The following ZNF385D variants were observed in gnomAD, a reference collection of about 807,000 sequenced individuals.
The protein encoded by ZNF385D is zinc finger protein 385D, also known as zinc finger protein 659.
Under a neutral mutation model 35.8 loss-of-function variants are expected in ZNF385D, and 15 were observed. The ratio of observed to expected loss-of-function variants is 0.42; its 90% CI spans 0.28 to 0.64. ZNF385D has a LOEUF of 0.64. ZNF385D is among the 30% of genes least tolerant of loss of function. ZNF385D has a pLI of 0.23. For synonymous variants in ZNF385D, 212 were observed against 186.8 expected, an observed-to-expected ratio of 1.13 and a Z score of -1.10; for missense variants, 474 against 494.6, an observed-to-expected ratio of 0.96 and a Z score of 0.39.
At chr3:21,798,772 C>T (rs2072267272) in intron 3 of ZNF385D, among the ~76,000 whole-genome samples, 1 of 152,026 alleles carries the variant, frequency 6.6e-6, no homozygotes. Flanking sequence ...ATCTTGGGGG[C>T]TACTTTAGAA....
chr3:21,969,177 G>A (rs1703090281), intron 3 of ZNF385D, among the ~76,000 whole-genome samples: 2 of 152,066 alleles, frequency 1.3e-5, no homozygotes, highest in South Asian at 4.1e-4. Context: ...TGTGTGACTT[G>A]GGTGGCAGCT....
At chr3:21,629,508 T>G (rs1486879969) in intron 2 of ZNF385D, among the ~76,000 whole-genome samples, 1 of 152,186 alleles carries the variant, frequency 6.6e-6, no homozygotes, top group Non-Finnish European at 1.5e-5. Flanking sequence ...GAAAAATGAC[T>G]ACTTGCCCAA....
rs1477091241 is a variant in ZNF385D at position 22,050,875 on chromosome 3, A to AACCGTGTGTTAG, written c.325+117941_325+117942insCTAACACACGGT. 6.5e-3 allele frequency among the ~76,000 whole-genome samples: 167 copies of AACCGTGTGTTAG among 25,824 alleles called. 8 individuals carry two copies. The highest frequency in any genetic ancestry group is 0.024 in the Middle Eastern group (1 of 42). The allele number at this position is 25,824 out of a possible 152,430, so 16.9% of individuals were successfully genotyped here. A position where few individuals can be genotyped will look rare whatever the true frequency, so the allele number is the denominator to read the frequency against. ...ACCCTTAAAAATTCAATGTGTTATA[A>AACCGTGTGTTAG]TTTCTGTTCTTTTACATTTGCTGAG... On this transcript the variant is annotated intron_variant, in intron 3 of 5. Coordinates refer to the ZNF385D transcript ENST00000494108.
At chr3:21,906,730 T>C (rs1158230242) in intron 3 of ZNF385D, among the ~76,000 whole-genome samples, 1 of 152,118 alleles carries the variant, frequency 6.6e-6, no homozygotes, top group Non-Finnish European at 1.5e-5. Context: ...TTTTGGATGT[T>C]ATTGTTCTAA....
chr3:21,436,907 A>T, intron 5 of ZNF385D, 63 bp downstream of exon 5: 1 of 1,471,540 alleles, frequency 6.8e-7, no homozygotes, highest in Non-Finnish European at 9.3e-7. Flanking sequence ...CAAAAGATCT[A>T]ATCTATTCAG....
intron 3 of ZNF385D, among the ~76,000 whole-genome samples, chr3:21,868,246 A>C (rs188707825): frequency 1.5e-3 from 236 of 152,264 alleles, no homozygotes; most frequent in African/African-American, 5.5e-3. Context: ...TAGACAATCC[A>C]TATACAAATG....
chr3:22,162,980 A>G (rs1706067487), intron 3 of ZNF385D, among the ~76,000 whole-genome samples: 1 of 152,172 alleles, frequency 6.6e-6, no homozygotes, highest in Non-Finnish European at 1.5e-5. Context: ...GACATAGTAG[A>G]GAGTGAGGTT....
At chr3:21,649,231 C>T (rs562491961) in intron 2 of ZNF385D, among the ~76,000 whole-genome samples, 26 of 152,160 alleles carry the variant, frequency 1.7e-4, no homozygotes, top group Middle Eastern at 3.4e-3. Context: ...TTATTTATAA[C>T]TTAAAAGTAT....
chr3:22,073,637 T>A (rs1700330033), intron 3 of ZNF385D, among the ~76,000 whole-genome samples: 1 of 151,894 alleles, frequency 6.6e-6, no homozygotes. Context: ...TTATTTTTAT[T>A]TATATTTGTC....
At chr3:22,192,525 C>G (rs956312095) in intron 2 of ZNF385D, among the ~76,000 whole-genome samples, 13 of 152,144 alleles carry the variant, frequency 8.5e-5, no homozygotes, top group Admixed American at 3.9e-4. Flanking sequence ...TGTCTTAGAT[C>G]ATCTCTGAGG....
At chr3:22,050,382 AC>A (rs371462965) in intron 3 of ZNF385D, among the ~76,000 whole-genome samples, 2 of 152,216 alleles carry the variant, frequency 1.3e-5, no homozygotes, top group South Asian at 2.1e-4. Context: ...AAACAAACAA[AC>A]AAAAAAACCA....
At chr3:21,823,246 T>A (rs1289648806) in intron 3 of ZNF385D, among the ~76,000 whole-genome samples, 1 of 152,232 alleles carries the variant, frequency 6.6e-6, no homozygotes, top group African/African-American at 2.4e-5. Context: ...TGGTTATTCA[T>A]ACTAAATTTG....
At chr3:21,980,448 A>T (rs1469602849) in intron 3 of ZNF385D, among the ~76,000 whole-genome samples, 2 of 152,192 alleles carry the variant, frequency 1.3e-5, no homozygotes, top group Admixed American at 1.3e-4. Context: ...AATGAGTAAT[A>T]GTAGCATTGA....
At chr3:21,848,168 G>T (rs937373043) in intron 3 of ZNF385D, among the ~76,000 whole-genome samples, 1 of 151,898 alleles carries the variant, frequency 6.6e-6, no homozygotes, top group Admixed American at 6.6e-5. Flanking sequence ...GTAGAATATT[G>T]CAGGATTTCC....
At chr3:22,361,381 C>G (rs1424687225) in intron 2 of ZNF385D, among the ~76,000 whole-genome samples, 1 of 152,024 alleles carries the variant, frequency 6.6e-6, no homozygotes, top group Admixed American at 6.6e-5. Context: ...TTAGCCTAAT[C>G]AATTTAGAAA....
chr3:22,124,708 G>A (rs1010614703), intron 3 of ZNF385D, among the ~76,000 whole-genome samples: 14 of 152,086 alleles, frequency 9.2e-5, no homozygotes, highest in African/African-American at 3.1e-4. Flanking sequence ...TTTGCTATTT[G>A]TATGTCTTTT....
At chr3:22,027,248 C>A (rs190507053) in intron 3 of ZNF385D, among the ~76,000 whole-genome samples, 1 of 152,188 alleles carries the variant, frequency 6.6e-6, no homozygotes, top group Admixed American at 6.5e-5. Context: ...GCAACACATT[C>A]CTCATTTGGG....
intron 2 of ZNF385D, among the ~76,000 whole-genome samples, chr3:22,283,356 C>G (rs769829464): frequency 1.3e-5 from 2 of 152,150 alleles, no homozygotes; most frequent in Non-Finnish European, 2.9e-5. Flanking sequence ...ACAGAACATT[C>G]TACCCAACAA....
chr3:22,029,207 G>A (rs1559315344), intron 3 of ZNF385D, among the ~76,000 whole-genome samples: 1 of 152,170 alleles, frequency 6.6e-6, no homozygotes, highest in Non-Finnish European at 1.5e-5. Flanking sequence ...GGCTAAGAAG[G>A]GAGTTACAGT....
Sources: allele counts gnomAD v4.1 joint callset (sites outside exome capture counted in the v4.1 genomes callset), GRCh38; gene constraint gnomAD v4.1.1; transcripts MANE v1.5; gene names NCBI Gene and HGNC (gene_info 2026-07-23, HGNC 2026-07-21).